CELF2: variants seen among roughly 807,000 people sequenced by gnomAD.
CELF2 encodes CUG triplet repeat RNA-binding protein 2.
Under a neutral mutation model 62.6 loss-of-function variants are expected in CELF2, and 8 were observed. The ratio of observed to expected loss-of-function variants is 0.13; its 90% CI spans 0.07 to 0.23. CELF2 has a LOEUF of 0.23. Ranked by LOEUF, CELF2 falls within the 10% of genes least tolerant of loss-of-function variation. The probability of loss-of-function intolerance (pLI) is 1.00; values close to 1 mark genes in which losing one functional copy is unlikely to be tolerated. For synonymous variants in CELF2, 258 were observed against 250.0 expected (o/e 1.03, Z -0.30); for missense variants, 333 against 671.0 (o/e 0.50, Z 5.56).
the CELF2 span, among the ~76,000 whole-genome samples, chr10:10,646,309 A>T: frequency 3.9e-5 from 6 of 152,248 alleles, no homozygotes; most frequent in Admixed American, 2.0e-4. Flanking sequence ...CCATGAACAA[A>T]GACAGAGTAT....
the CELF2 span, among the ~76,000 whole-genome samples, chr10:10,495,235 T>C: frequency 6.6e-6 from 1 of 152,138 alleles, no homozygotes; most frequent in Non-Finnish European, 1.5e-5. Context: ...GCTGAGATGG[T>C]GCCACTGCAC....
At position 11,255,023 on chromosome 10, in the gene CELF2, C is replaced by A. The variant is rs576137691; in HGVS notation, c.404-2715C>A. ...TGTTAGTGAGCACAGGCGGTGTAGA[C>A]GGCCTGCAGCAGGTGGTGTGGACGG... On this transcript the variant is annotated intron_variant, in intron 4 of 12. Coordinates refer to ENST00000633077, the MANE Select transcript of CELF2 (RefSeq NM_001326342.2). This position sits in a 1 kb window ranked among gnomAD's most constrained non-coding sequence, Gnocchi z 5.5. Among the ~76,000 whole-genome samples, 1 of 152,038 alleles carries A rather than the reference C, an allele frequency of 6.6e-6. No homozygotes were observed. Among genetic ancestry groups the A allele is most frequent in the Non-Finnish European group, 1.5e-5 (1 of 68,002 alleles).
At chr10:11,093,260 G>A (rs371688967) in intron 1 of CELF2, among the ~76,000 whole-genome samples, 3 of 56,186 alleles carry the variant, frequency 5.3e-5, no homozygotes, top group Non-Finnish European at 1.1e-4. Flanking sequence ...ACAGTTTGGT[G>A]TTTGGGAATT....
At chr10:10,640,814 TA>T in the CELF2 span, among the ~76,000 whole-genome samples, 1 of 152,238 alleles carries the variant, frequency 6.6e-6, no homozygotes, top group South Asian at 2.1e-4. Flanking sequence ...TCCTTGGTTT[TA>T]TTTCTCATCG....
In CELF2 at chr10:10,846,159, A is replaced by G. The variant is rs535431724; in HGVS notation, c.53+47342A>G. 1.1e-4 allele frequency: 104 copies of G among 978,128 alleles called. No individual in the cohort carries two copies. In the African/African-American group the frequency reaches 1.7e-3, roughly 16 times the overall value. 60.6% of individuals were successfully genotyped at this position (978,128 alleles called of 1,614,324 possible). A position where few individuals can be genotyped will look rare whatever the true frequency, so the allele number is the denominator to read the frequency against. ...ATTTGGGAACCTCGCTATTCACAGT[A>G]AGGAATCCATTCCTTCCTCCCCTTC... On this transcript the variant is annotated intron_variant, in intron 1 of 13. Transcript: ENST00000636488.
intron 1 of CELF2, among the ~76,000 whole-genome samples, chr10:11,052,865 C>A (rs2064233444): frequency 6.6e-6 from 1 of 152,184 alleles, no homozygotes; most frequent in East Asian, 1.9e-4. Flanking sequence ...TAGTAGAGGG[C>A]TTCTCAGGTC....
chr10:10,988,741 C>T (rs1403446651), intron 2 of CELF2, among the ~76,000 whole-genome samples: 1 of 152,144 alleles, frequency 6.6e-6, no homozygotes, highest in Non-Finnish European at 1.5e-5. Context: ...TACAGAGGAA[C>T]TTTTAAAATT....
rs574082731 is a variant in CELF2, at chr10:10,990,129, AT to A, written c.89+70131del. ...AAGAATTTTCATCTCAATGCTATAT[AT>A]AAAAGTAAACATTTATAAATGCCCT... On this transcript the variant is annotated intron_variant, in intron 2 of 13. Transcript: ENST00000636488. The surrounding 1 kb of genome is among the most constrained non-coding windows in gnomAD (Gnocchi z 4.6). 4.6e-5 allele frequency among the ~76,000 whole-genome samples: 7 copies of A among 152,300 alleles called. No individual in the cohort carries two copies. The East Asian group carries it at 1.3e-3, about 29-fold the overall frequency.
intron 1 of CELF2, among the ~76,000 whole-genome samples, chr10:10,871,948 T>A (rs1214572657): frequency 6.6e-6 from 1 of 152,210 alleles, no homozygotes; most frequent in Admixed American, 6.5e-5. Flanking sequence ...TTTTCACATA[T>A]TATCTTCCGT....
rs894399764 is a variant in CELF2 at position 11,324,679 on chromosome 10, T to A, written c.1295-1157T>A. The stretch of plus-strand genomic sequence containing the variant: ...ATTAGGATACTTTCTTGTGATGTAT[T>A]TTGTGGAGGCAGGGGAAGAAGCTTG... On this transcript the variant is annotated intron_variant, in intron 11 of 12. Transcript: ENST00000633077. The surrounding 1 kb of genome is among the most constrained non-coding windows in gnomAD (Gnocchi z 4.7). 1.3e-5 allele frequency among the ~76,000 whole-genome samples: 2 copies of A among 152,220 alleles called. No homozygotes were observed. Among genetic ancestry groups the A allele is most frequent in the African/African-American group, 4.8e-5 (2 of 41,454 alleles).
chr10:10,821,154 C>T (rs773581195), intron 1 of CELF2, among the ~76,000 whole-genome samples: 1 of 152,184 alleles, frequency 6.6e-6, no homozygotes, highest in Non-Finnish European at 1.5e-5. Flanking sequence ...AGATTGAATC[C>T]TGCCAGGCAA....
intron 2 of CELF2, among the ~76,000 whole-genome samples, chr10:11,183,236 G>A (rs1218288413): frequency 1.3e-5 from 2 of 152,098 alleles, no homozygotes; most frequent in Admixed American, 6.6e-5. Flanking sequence ...TGCTTTCTTG[G>A]ATCTGGCTTC....
chr10:10,490,356 C>A, the CELF2 span, among the ~76,000 whole-genome samples: 1 of 152,134 alleles, frequency 6.6e-6, no homozygotes, highest in South Asian at 2.1e-4. Context: ...GCCAAGTCTG[C>A]CTAATGTGAT....
chr10:10,930,620 T>C (rs2065961214), intron 2 of CELF2, among the ~76,000 whole-genome samples: 1 of 152,206 alleles, frequency 6.6e-6, no homozygotes, highest in African/African-American at 2.4e-5. Flanking sequence ...GAAGCATTCA[T>C]ATCTTCAGAG....
intron 3 of CELF2, among the ~76,000 whole-genome samples, chr10:11,222,185 C>T (rs1431243421): frequency 6.6e-6 from 1 of 152,230 alleles, no homozygotes; most frequent in African/African-American, 2.4e-5. Context: ...TTGACTCTCA[C>T]TGGGGCCAAA....
At chr10:10,581,923 G>A in the CELF2 span, among the ~76,000 whole-genome samples, 1 of 152,078 alleles carries the variant, frequency 6.6e-6, no homozygotes, top group Non-Finnish European at 1.5e-5. Flanking sequence ...AGCTACTCAG[G>A]AAGCTGAGGC....
intron 1 of CELF2, among the ~76,000 whole-genome samples, chr10:11,143,405 A>G (rs1483565934): frequency 1.3e-5 from 2 of 152,194 alleles, no homozygotes; most frequent in African/African-American, 2.4e-5. Context: ...GGACTTGACC[A>G]TTGCAGCTTA....
the CELF2 span, among the ~76,000 whole-genome samples, chr10:10,495,211 G>A: frequency 9.2e-5 from 14 of 152,276 alleles, no homozygotes; most frequent in Non-Finnish European, 1.5e-4. Flanking sequence ...ACCAGAAGGC[G>A]GATGTTGCAG....
Position 11,305,299 on chromosome 10 carries a change from T to A in CELF2, c.977-8840T>A, listed in dbSNP as rs1164240012. Among the ~76,000 whole-genome samples the A allele has an allele frequency of 6.6e-6, 1 of 152,234 alleles. No homozygotes were observed. Among genetic ancestry groups the A allele is most frequent in the Non-Finnish European group, 1.5e-5 (1 of 68,038 alleles). ...TTCCAAACAGCCCTTCCTCCACAAC[T>A]GCTGTATCCCTAAGTGGCAAAGGCC... On this transcript the variant is annotated intron_variant, in intron 9 of 12. Coordinates refer to ENST00000633077, the MANE Select transcript of CELF2 (RefSeq NM_001326342.2). This position sits in a 1 kb window ranked among gnomAD's most constrained non-coding sequence, Gnocchi z 4.8.
Sources: allele counts gnomAD v4.1 joint callset (sites outside exome capture counted in the v4.1 genomes callset), GRCh38; gene constraint gnomAD v4.1.1; non-coding constraint Gnocchi (gnomAD v3.1); transcripts MANE v1.5; gene names NCBI Gene and HGNC (gene_info 2026-07-23, HGNC 2026-07-21).